The following LIPA variants were observed in gnomAD, a reference collection of about 807,000 sequenced individuals.
LIPA encodes the protein lipase A, lysosomal acid type.
In LIPA, 26 loss-of-function variants were observed where a neutral mutation model predicts 40.6. The ratio of observed to expected loss-of-function variants is 0.64; its 90% confidence interval spans 0.47 to 0.89. LIPA has a LOEUF of 0.89. Among genes scored for constraint, LIPA ranks in the 40% least tolerant of loss-of-function variants. LIPA has a pLI of 0.00. For missense variants in LIPA, 455 were observed against 479.6 expected, an observed-to-expected ratio of 0.95 and a Z score of 0.48; for synonymous variants, 188 against 168.4, an observed-to-expected ratio of 1.12 and a Z score of -0.90.
intron 2 of LIPA, among the ~76,000 whole-genome samples, chr10:89,358,019 C>G (rs118163048): frequency 0.013 from 2,007 of 152,108 alleles, 23 homozygotes; most frequent in Non-Finnish European, 0.02. Flanking sequence ...GATATAGTGT[C>G]AGGAGAAGGA....
intron 1 of LIPA, chr10:89,302,076 G>A: frequency 1.2e-6 from 2 of 1,612,832 alleles, no homozygotes; most frequent in Non-Finnish European, 1.7e-6. Flanking sequence ...GAAGAGTGCA[G>A]CTGCCTGAAC....
At chr10:89,387,112 C>G (rs1438088568) in intron 2 of LIPA, among the ~76,000 whole-genome samples, 1 of 151,848 alleles carries the variant, frequency 6.6e-6, no homozygotes, top group Non-Finnish European at 1.5e-5. Flanking sequence ...GTCAGGAGAT[C>G]GAGACCATCC....
chr10:89,350,527 G>A (rs1020507794), intron 2 of LIPA, among the ~76,000 whole-genome samples: 1 of 151,786 alleles, frequency 6.6e-6, no homozygotes, highest in African/African-American at 2.4e-5. Flanking sequence ...GGATGGTCTC[G>A]AACTCCAGAC....
At chr10:89,259,017 T>C (rs1843194377) in intron 1 of LIPA, among the ~76,000 whole-genome samples, 1 of 152,172 alleles carries the variant, frequency 6.6e-6, no homozygotes, top group Admixed American at 6.5e-5. Context: ...AGCAAGTAGA[T>C]TAGTAGTTGC....
intron 1 of LIPA, among the ~76,000 whole-genome samples, chr10:89,269,542 A>G (rs1443360269): frequency 6.6e-6 from 1 of 152,142 alleles, no homozygotes; most frequent in Non-Finnish European, 1.5e-5. Context: ...TAAAACTTTG[A>G]TGACATAATC....
intron 1 of LIPA, among the ~76,000 whole-genome samples, chr10:89,321,612 C>T (rs1843572667): frequency 6.6e-6 from 1 of 152,228 alleles, no homozygotes; most frequent in African/African-American, 2.4e-5. Flanking sequence ...CACTTTTACA[C>T]TGTTGGTAGG....
intron 3 of LIPA, among the ~76,000 whole-genome samples, chr10:89,243,192 A>G (rs528232099): frequency 1.3e-5 from 2 of 152,366 alleles, no homozygotes; most frequent in African/African-American, 4.8e-5. Flanking sequence ...CAGTGGCAAC[A>G]ACCTTGCTCT....
intron 2 of LIPA, among the ~76,000 whole-genome samples, chr10:89,409,438 C>T (rs1220071497): frequency 6.6e-6 from 1 of 152,018 alleles, no homozygotes; most frequent in Admixed American, 6.6e-5. Flanking sequence ...ACTGTCCAAA[C>T]AAGCTGCCCC....
At chr10:89,317,691 C>T (rs1843548502) in intron 1 of LIPA, among the ~76,000 whole-genome samples, 1 of 152,176 alleles carries the variant, frequency 6.6e-6, no homozygotes, top group South Asian at 2.1e-4. Context: ...GGGAGGCTAA[C>T]ATTCAAATTC....
rs1233650484 is a variant in LIPA, at chr10:89,214,092, A to G, written c.*736T>C. On this transcript the variant is annotated 3_prime_UTR_variant, in exon 10 of 10. Coordinates refer to ENST00000336233, the MANE Select transcript of LIPA (RefSeq NM_000235.4). ...TGGCCTGCCATGAAATTGAGAGCTC[A>G]TGAATATAGATGGTTGAGTGTATCA... 6.6e-6 allele frequency: 1 copy of G among 152,246 alleles called. No individual in the cohort carries two copies. The highest frequency in any genetic ancestry group is 1.5e-5 in the Non-Finnish European group (1 of 68,036). The allele number at this position is 152,246 out of a possible 1,614,324, so 9.4% of individuals were successfully genotyped here.
At chr10:89,323,631 T>A (rs769725385) in intron 1 of LIPA, among the ~76,000 whole-genome samples, 1 of 152,088 alleles carries the variant, frequency 6.6e-6, no homozygotes, top group Non-Finnish European at 1.5e-5. Context: ...AGCATTCCTA[T>A]ACACTAACAA....
rs1035798421 is a variant in LIPA at position 89,315,639 on chromosome 10, A to C, written c.-2+26972T>G. ...CAACTCCTTCAGAGCTCAAAGCATA[A>C]ATATATAATCCATCCATTAAACAAT... On this transcript the variant is annotated intron_variant, in intron 1 of 5. Transcript: ENST00000282673. Among the ~76,000 whole-genome samples, 4 of 152,340 alleles carry C rather than the reference A, an allele frequency of 2.6e-5. No individual in the cohort carries two copies. The East Asian group carries it at 5.8e-4, about 22-fold the overall frequency.
At chr10:89,257,656 A>AT (rs1195473776) in intron 1 of LIPA, among the ~76,000 whole-genome samples, 1 of 152,214 alleles carries the variant, frequency 6.6e-6, no homozygotes, top group East Asian at 1.9e-4. Context: ...GCCTGGACAG[A>AT]TTTTCCAGGC....
At chr10:89,224,428 T>C (rs1277382731) in intron 6 of LIPA, among the ~76,000 whole-genome samples, 2 of 152,228 alleles carry the variant, frequency 1.3e-5, no homozygotes, top group Non-Finnish European at 2.9e-5. Context: ...AAATGGCCCA[T>C]GAGAGACGTT....
intron 1 of LIPA, chr10:89,284,375 A>C (rs915052759): frequency 3.3e-5 from 5 of 152,194 alleles, no homozygotes; most frequent in Non-Finnish European, 1.5e-5. Flanking sequence ...GACAGGCTGC[A>C]TTTAGCTGGT....
chr10:89,303,326 A>C (rs1843457903), intron 1 of LIPA, among the ~76,000 whole-genome samples: 2 of 152,234 alleles, frequency 1.3e-5, no homozygotes, highest in East Asian at 1.9e-4. Flanking sequence ...TCTGGGTTAG[A>C]GTCTGAGGAT....
chr10:89,259,913 A>G (rs900508071), intron 1 of LIPA, among the ~76,000 whole-genome samples: 1 of 152,206 alleles, frequency 6.6e-6, no homozygotes, highest in African/African-American at 2.4e-5. Flanking sequence ...GCTGGATGAC[A>G]GAGAGGCATG....
chr10:89,261,911 A>G (rs1843212019), intron 1 of LIPA, among the ~76,000 whole-genome samples: 1 of 152,280 alleles, frequency 6.6e-6, no homozygotes, highest in Non-Finnish European at 1.5e-5. Flanking sequence ...GCCGTAACCA[A>G]TCCAATTCCA....
intron 1 of LIPA, among the ~76,000 whole-genome samples, chr10:89,293,394 C>T (rs1224205824): frequency 1.3e-5 from 2 of 152,120 alleles, no homozygotes; most frequent in Non-Finnish European, 2.9e-5. Flanking sequence ...AGCCAGATCC[C>T]GGCCCCCTTT....
Sources: gnomAD v4.1 joint callset for allele counts (sites outside exome capture counted in the v4.1 genomes callset) on GRCh38, gnomAD v4.1.1 for gene constraint, MANE v1.5 for transcripts, NCBI Gene and HGNC (gene_info 2026-07-23, HGNC 2026-07-21) for gene names.